KIAA2012: variants seen among roughly 807,000 people sequenced by gnomAD.
The protein encoded by KIAA2012 is KIAA2012.
Under a neutral mutation model 150.6 loss-of-function variants are expected in KIAA2012, and 125 were observed. The observed-to-expected ratio is 0.83, with a 90% confidence interval of 0.72 to 0.96. The LOEUF (loss-of-function observed/expected upper bound fraction) is 0.96. Ranked by LOEUF, KIAA2012 falls within the 40% of genes least tolerant of loss-of-function variation. The pLI is 0.00. For missense variants in KIAA2012, 1,219 were observed against 1,354.9 expected (o/e 0.90, Z 1.57); for synonymous variants, 462 against 504.7 (o/e 0.92, Z 1.13).
At chr2:202,103,226 A>C (rs1456054859) in intron 8 of KIAA2012, 112 bp downstream of exon 8, 1 of 1,007,910 alleles carries the variant, frequency 9.9e-7, no homozygotes, top group Non-Finnish European at 1.4e-6. Flanking sequence ...TCCCCTTCAG[A>C]GAATATTTTT....
chr2:202,157,069 C>T (rs970052887), intron 14 of KIAA2012, among the ~76,000 whole-genome samples: 1 of 152,170 alleles, frequency 6.6e-6, no homozygotes, highest in Non-Finnish European at 1.5e-5. Context: ...CCACCTCCCT[C>T]AAGACTCACA....
intron 10 of KIAA2012, among the ~76,000 whole-genome samples, chr2:202,111,107 G>T (rs191115750): frequency 1.3e-4 from 20 of 152,154 alleles, no homozygotes; most frequent in Admixed American, 9.8e-4. Context: ...CCCACCTGGG[G>T]CCTTCCTAGG....
At position 202,099,799 on chromosome 2, in the gene KIAA2012, A is replaced by C. The variant is rs1052284620; in HGVS notation, c.1012+3A>C. On this transcript the variant is annotated splice_donor_region_variant and intron_variant, in intron 6 of 23. Transcript: ENST00000498697. ...TAATAGGAAGGCAGATCTCAGCGGT[A>C]AGAACTCAAATGTCTTGCTCATTGA... 1.3e-6 allele frequency: 2 copies of C among 1,547,456 alleles called. No homozygotes were observed. The highest frequency in any genetic ancestry group is 1.7e-6 in the Non-Finnish European group (2 of 1,145,526).
At position 202,073,411 on chromosome 2, in the gene KIAA2012, T is replaced by C; in HGVS notation, c.-217T>C. On this transcript the variant is annotated 5_prime_UTR_variant, in exon 1 of 24. Transcript: ENST00000498697. ...GGCTTGAGGAGGCTGGCTGTGCGGTTTATTTTTTCTCTCCACAAAGACACA... is the reference window on the plus strand; with the variant it reads ...GGCTTGAGGAGGCTGGCTGTGCGGTCTATTTTTTCTCTCCACAAAGACACA... The C allele has an allele frequency of 2.0e-6, 1 of 487,864 alleles. No individual in the cohort carries two copies. Among genetic ancestry groups the C allele is most frequent in the Non-Finnish European group, 3.7e-6 (1 of 272,404 alleles). The allele number at this position is 487,864 out of a possible 1,614,324, so 30.2% of individuals were successfully genotyped here. A position where few individuals can be genotyped will look rare whatever the true frequency, so the allele number is the denominator to read the frequency against.
intron 12 of KIAA2012, among the ~76,000 whole-genome samples, chr2:202,128,906 G>A (rs2105938599): frequency 6.6e-6 from 1 of 152,110 alleles, no homozygotes; most frequent in South Asian, 2.1e-4. Flanking sequence ...TTCCCCATTT[G>A]TTGCTAAGGG....
intron 12 of KIAA2012, among the ~76,000 whole-genome samples, chr2:202,130,066 T>C (rs748101850): frequency 6.6e-6 from 1 of 152,144 alleles, no homozygotes; most frequent in Non-Finnish European, 1.5e-5. Context: ...CATAGATACA[T>C]ACACATGCAT....
intron 15 of KIAA2012, chr2:202,179,808 T>G (rs1481121298): frequency 1.6e-6 from 1 of 621,102 alleles, no homozygotes; most frequent in Non-Finnish European, 3.1e-6. Context: ...ATGGGGAAAC[T>G]TCCCTTGAGA....
At chr2:202,082,750 CTT>C (rs1473764586) in intron 2 of KIAA2012, among the ~76,000 whole-genome samples, 1 of 151,782 alleles carries the variant, frequency 6.6e-6, no homozygotes, top group Admixed American at 6.6e-5. Context: ...TAGGGGAAAA[CTT>C]AGTTCTAAGA....
intron 16 of KIAA2012, 65 bp downstream of exon 16, chr2:202,184,908 G>A: frequency 7.3e-7 from 1 of 1,367,082 alleles, no homozygotes; most frequent in Non-Finnish European, 9.9e-7. Flanking sequence ...TTTTTAATTG[G>A]TTTAGTTTGG....
intron 14 of KIAA2012, among the ~76,000 whole-genome samples, chr2:202,155,697 A>G (rs1003562194): frequency 2.0e-5 from 3 of 152,200 alleles, no homozygotes; most frequent in Non-Finnish European, 2.9e-5. Context: ...TGGTGGCTCT[A>G]TCTAGTGCTA....
At chr2:202,090,209 T>G (rs1391522683) in intron 2 of KIAA2012, among the ~76,000 whole-genome samples, 3 of 152,250 alleles carry the variant, frequency 2.0e-5, no homozygotes, top group Admixed American at 2.0e-4. Flanking sequence ...AAGATGTTAT[T>G]ATTCATATTT....
At chr2:202,152,466 C>T (rs924726255) in intron 13 of KIAA2012, among the ~76,000 whole-genome samples, 2 of 152,120 alleles carry the variant, frequency 1.3e-5, no homozygotes, top group African/African-American at 4.8e-5. Context: ...CTTGACTATG[C>T]CTTTTGTTCT....
intron 13 of KIAA2012, among the ~76,000 whole-genome samples, chr2:202,139,588 T>C (rs899272455): frequency 6.6e-6 from 1 of 152,220 alleles, no homozygotes; most frequent in Non-Finnish European, 1.5e-5. Context: ...TGCTTTCATC[T>C]GCGTGCCTGA....
chr2:202,105,545 C>G (rs112545232), intron 8 of KIAA2012, among the ~76,000 whole-genome samples: 6 of 152,304 alleles, frequency 3.9e-5, no homozygotes, highest in African/African-American at 1.4e-4. Flanking sequence ...CAGACTTGGG[C>G]CATGTGCCCA....
chr2:202,183,538 C>T (rs1321175668), intron 15 of KIAA2012, among the ~76,000 whole-genome samples: 1 of 129,256 alleles, frequency 7.7e-6, no homozygotes, highest in Admixed American at 9.3e-5. Flanking sequence ...CACTGGTGTG[C>T]AGTGGTGCTC....
In KIAA2012 at chr2:202,073,467, T is replaced by C; in HGVS notation, c.-161T>C. 1 of 614,998 alleles carries C rather than the reference T, an allele frequency of 1.6e-6. No individual in the cohort carries two copies. Among genetic ancestry groups the C allele is most frequent in the South Asian group, 2.0e-5 (1 of 49,126 alleles). The allele number at this position is 614,998 out of a possible 1,614,324, so 38.1% of individuals were successfully genotyped here. On this transcript the variant is annotated 5_prime_UTR_variant, in exon 1 of 24. Coordinates refer to ENST00000498697, the MANE Select transcript of KIAA2012 (RefSeq NM_001277372.4). ...TCTAAACTGTGTGGCTGGTTGTTAC[T>C]AAGAAGCTGCTGCGAGAGGGAAAAA...
intron 12 of KIAA2012, among the ~76,000 whole-genome samples, chr2:202,130,971 T>C (rs950791525): frequency 4.6e-5 from 7 of 152,142 alleles, no homozygotes; most frequent in Non-Finnish European, 8.8e-5. Flanking sequence ...TATGAGTCTT[T>C]TCTTAAGGAT....
intron 4 of KIAA2012, among the ~76,000 whole-genome samples, chr2:202,095,815 G>A (rs556401083): frequency 6.6e-6 from 1 of 152,256 alleles, no homozygotes; most frequent in Non-Finnish European, 1.5e-5. Context: ...TGGGCACAAT[G>A]GCTCATGACT....
chr2:202,193,492 A>C lies in KIAA2012; in HGVS notation c.3003A>C (p.Thr1001=). The change falls in exon 20 of 24, where the codon ACA becomes ACC. Residue 1001 remains threonine, a synonymous_variant. Coordinates refer to ENST00000498697, the MANE Select transcript of KIAA2012 (RefSeq NM_001277372.4). ...EELELEQQRR[T]EEIRLRKQRL... is the part of the protein sequence containing the mutation. Reference sequence around the variant, plus strand: ...TGGAGCTGGAGCAGCAGAGACGTACAGAAGAGATCCGGTAGGTTGGGCAAG... The same window carrying C: ...TGGAGCTGGAGCAGCAGAGACGTACCGAAGAGATCCGGTAGGTTGGGCAAG... The C allele has an allele frequency of 6.5e-7, 1 of 1,550,146 alleles. No individual in the cohort carries two copies. Among genetic ancestry groups the C allele is most frequent in the Non-Finnish European group, 8.7e-7 (1 of 1,146,900 alleles).
Sources: gnomAD v4.1 joint callset for allele counts (sites outside exome capture counted in the v4.1 genomes callset) on GRCh38, gnomAD v4.1.1 for gene constraint, MANE v1.5 for transcripts, NCBI Gene and HGNC (gene_info 2026-07-23, HGNC 2026-07-21) for gene names.